The following MAST4 variants were observed in gnomAD, a reference collection of about 807,000 sequenced individuals.
MAST4 encodes microtubule-associated serine/threonine-protein kinase 4.
Under a neutral mutation model 162.7 loss-of-function variants are expected in MAST4, and 89 were observed. The observed-to-expected ratio is 0.55, with a 90% CI of 0.46 to 0.65. The LOEUF is 0.65. Ranked by LOEUF, MAST4 falls within the 30% of genes least tolerant of loss-of-function variation. MAST4 has a pLI of 0.00. For synonymous variants in MAST4, 1,479 were observed against 1,361.1 expected (o/e 1.09, Z -1.91); for missense variants, 3,153 against 3,374.0 (o/e 0.93, Z 1.62).
Position 66,596,616 on chromosome 5 carries a change from GC to G in MAST4, c.-35del. The G allele has an allele frequency of 1.4e-6, 2 of 1,393,602 alleles. No individual in the cohort carries two copies. The highest frequency in any genetic ancestry group is 9.3e-7 in the Non-Finnish European group (1 of 1,077,224). The allele number at this position is 1,393,602 out of a possible 1,614,324, so 86.3% of individuals were successfully genotyped here. A position where few individuals can be genotyped will look rare whatever the true frequency, so the allele number is the denominator to read the frequency against. On this transcript the variant is annotated 5_prime_UTR_variant, in exon 1 of 29. Coordinates refer to ENST00000403625, the MANE Select transcript of MAST4 (RefSeq NM_001164664.2). ...CCGGGAGGCGCTGAGTGCGCGCCGC[GC>G]CCCCGCCGCTCGGGAGGCACTTTGG...
At chr5:66,946,467 C>A (rs1744039680) in intron 4 of MAST4, among the ~76,000 whole-genome samples, 2 of 152,060 alleles carry the variant, frequency 1.3e-5, no homozygotes, top group African/African-American at 4.8e-5. Context: ...GAATTCTATT[C>A]CCTTTTGATC....
chr5:66,612,104 AC>A (rs1561212203), intron 1 of MAST4, among the ~76,000 whole-genome samples: 1 of 152,190 alleles, frequency 6.6e-6, no homozygotes, highest in African/African-American at 2.4e-5. Context: ...GCTTGTTTTA[AC>A]CCAAATTCAC....
intron 4 of MAST4, among the ~76,000 whole-genome samples, chr5:67,015,957 T>C (rs1753240637): frequency 6.6e-6 from 1 of 152,224 alleles, no homozygotes; most frequent in Non-Finnish European, 1.5e-5. Context: ...ACGTCATTTT[T>C]TCATTTGTAT....
intron 5 of MAST4, among the ~76,000 whole-genome samples, chr5:67,078,722 A>ATATTTATTTAAATATATATT (rs1561620426): frequency 8.7e-6 from 1 of 114,962 alleles, no homozygotes; most frequent in African/African-American, 4.1e-5. Context: ...TATTTATATT[A>ATATTTATTTAAATATATATT]TATTTATATT....
Position 67,045,832 on chromosome 5 carries a change from A to G in MAST4, c.675-8572A>G, listed in dbSNP as rs113368563. On this transcript the variant is annotated intron_variant, in intron 4 of 28. Coordinates refer to ENST00000403625, the MANE Select transcript of MAST4 (RefSeq NM_001164664.2). Reference sequence around the variant, plus strand: ...AAATAACACAAGCTATTAATTGTGTATACATTGTTATTTCTGTCATAAATT... The same window carrying G: ...AAATAACACAAGCTATTAATTGTGTGTACATTGTTATTTCTGTCATAAATT... 2.1e-3 allele frequency among the ~76,000 whole-genome samples: 319 copies of G among 152,344 alleles called. 1 individual carries two copies. The highest frequency in any genetic ancestry group is 6.3e-3 in the African/African-American group (264 of 41,578).
At chr5:66,955,898 T>C (rs1461529219) in intron 4 of MAST4, among the ~76,000 whole-genome samples, 2 of 152,220 alleles carry the variant, frequency 1.3e-5, no homozygotes, top group South Asian at 4.1e-4. Context: ...TGTGTTTGTT[T>C]ATAGTTTTAT....
Position 67,142,451 on chromosome 5 carries a change from C to T in MAST4, c.2648C>T (p.Thr883Met), listed in dbSNP as rs759562033. The T allele has an allele frequency of 1.2e-5, 20 of 1,600,742 alleles. No homozygotes were observed. The highest frequency in any genetic ancestry group is 4.5e-5 in the South Asian group (4 of 88,350). The change falls in exon 21 of 29, where the codon ACG (threonine) becomes ATG (methionine). Residue 883 changes from threonine to methionine, a missense_variant. Coordinates refer to ENST00000403625, the MANE Select transcript of MAST4 (RefSeq NM_001164664.2). Reference sequence around the variant, plus strand: ...TCTGAGAAGTATCATCATATGGAAACGGAGGAAGAAGATGACACAAATGAT... The same window carrying T: ...TCTGAGAAGTATCATCATATGGAAATGGAGGAAGAAGATGACACAAATGAT... ...TRSEKYHHME[T>M]EEEDDTNDED...
At chr5:67,057,165 G>A (rs1444860825) in intron 5 of MAST4, among the ~76,000 whole-genome samples, 6 of 152,108 alleles carry the variant, frequency 3.9e-5, no homozygotes, top group Admixed American at 3.9e-4. Flanking sequence ...TACAGGACCA[G>A]GCCCCACATC....
chr5:66,924,973 C>A (rs988684469), intron 4 of MAST4, among the ~76,000 whole-genome samples: 1 of 151,942 alleles, frequency 6.6e-6, no homozygotes, highest in African/African-American at 2.4e-5. Context: ...AAGCATGGAT[C>A]GTTTTTTCTG....
intron 1 of MAST4, among the ~76,000 whole-genome samples, chr5:66,712,163 C>T (rs530672201): frequency 2.6e-5 from 4 of 152,338 alleles, no homozygotes; most frequent in Admixed American, 2.6e-4. Flanking sequence ...CTGTTATACA[C>T]ACCTGCTAGT....
intron 1 of MAST4, among the ~76,000 whole-genome samples, chr5:66,605,088 C>T (rs1447992896): frequency 2.0e-5 from 3 of 152,148 alleles, no homozygotes; most frequent in Admixed American, 2.0e-4. Flanking sequence ...AATTAGTTCC[C>T]TATAAGCATA....
At chr5:66,619,315 C>T (rs1241136276) in intron 1 of MAST4, among the ~76,000 whole-genome samples, 4 of 152,042 alleles carry the variant, frequency 2.6e-5, no homozygotes, top group Non-Finnish European at 5.9e-5. Flanking sequence ...TGAGTGAGAG[C>T]CCCAGGGCAT....
At chr5:67,118,117 C>T (rs1767137336) in intron 12 of MAST4, among the ~76,000 whole-genome samples, 1 of 152,180 alleles carries the variant, frequency 6.6e-6, no homozygotes, top group Non-Finnish European at 1.5e-5. Context: ...GTCAGTCAGT[C>T]AGTAAGTGCA....
intron 4 of MAST4, chr5:66,902,729 A>ATTG (rs1192622648): frequency 2.1e-6 from 1 of 469,380 alleles, no homozygotes; most frequent in Admixed American, 2.4e-5. Context: ...CTGTTATGAG[A>ATTG]TTGTCAGGTA....
intron 5 of MAST4, among the ~76,000 whole-genome samples, chr5:67,072,060 A>T (rs899699853): frequency 1.3e-5 from 2 of 152,210 alleles, no homozygotes; most frequent in African/African-American, 4.8e-5. Flanking sequence ...ATATGCATGC[A>T]TGTGTGTTTT....
intron 4 of MAST4, among the ~76,000 whole-genome samples, chr5:66,961,738 A>G (rs952299013): frequency 2.0e-5 from 3 of 152,180 alleles, no homozygotes; most frequent in Non-Finnish European, 4.4e-5. Context: ...GTTAGTGCCT[A>G]TGCATGCCGA....
chr5:67,012,686 A>G (rs982846913), intron 4 of MAST4, among the ~76,000 whole-genome samples: 2 of 152,222 alleles, frequency 1.3e-5, no homozygotes, highest in Non-Finnish European at 2.9e-5. Flanking sequence ...ATAGATCTCA[A>G]AAGTTCATAC....
At chr5:67,011,451 T>C (rs1180327706) in intron 4 of MAST4, among the ~76,000 whole-genome samples, 1 of 152,240 alleles carries the variant, frequency 6.6e-6, no homozygotes, top group Admixed American at 6.5e-5. Flanking sequence ...AGGACAGACT[T>C]ACAAATCATG....
intron 5 of MAST4, among the ~76,000 whole-genome samples, chr5:67,061,882 G>A (rs1050859099): frequency 2.0e-5 from 3 of 151,850 alleles, no homozygotes; most frequent in African/African-American, 7.3e-5. Flanking sequence ...ACAAAGGAAG[G>A]AAGTCTGTAA....
Sources: allele counts gnomAD v4.1 joint callset (sites outside exome capture counted in the v4.1 genomes callset), GRCh38; gene constraint gnomAD v4.1.1; transcripts MANE v1.5; gene names NCBI Gene and HGNC (gene_info 2026-07-23, HGNC 2026-07-21).